Variants in LURAP1 observed in about 807,000 individuals in gnomAD.
LURAP1 encodes the protein NF-kappa-B activator C1orf190.
In LURAP1, 14 loss-of-function variants were observed where a neutral mutation model predicts 19.0. The ratio of observed to expected loss-of-function variants is 0.74; its 90% CI spans 0.49 to 1.15. LURAP1 has a LOEUF of 1.15. Ranked by LOEUF, LURAP1 falls within the 50% of genes most tolerant of loss-of-function variation. The pLI is 0.00. For missense variants in LURAP1, 273 were observed against 309.1 expected, an observed-to-expected ratio of 0.88 and a Z score of 0.87; for synonymous variants, 129 against 131.8, an observed-to-expected ratio of 0.98 and a Z score of 0.14.
Position 46,203,440 on chromosome 1 carries a change from T to C in LURAP1, c.14T>C (p.Val5Ala). Residue 5 changes from valine (V) to alanine (A), a missense_variant, in exon 1 of 2, where the codon GTG (valine) becomes GCG (alanine). Physicochemically the swap from Val to Ala is moderately conservative, Grantham distance 64 (BLOSUM62 0). Coordinates refer to ENST00000371980, the MANE Select transcript of LURAP1 (RefSeq NM_001013615.3). MEGT[V>A]ESQTPDLRDV... Reference sequence around the variant, plus strand: ...GCTTGGGCCCGCATGGAGGGGACCGTGGAGTCCCAGACGCCTGACCTGCGG... The same window carrying C: ...GCTTGGGCCCGCATGGAGGGGACCGCGGAGTCCCAGACGCCTGACCTGCGG... The C allele has an allele frequency of 6.8e-7, 1 of 1,477,898 alleles. No individual in the cohort carries two copies. The highest frequency in any genetic ancestry group is 9.0e-7 in the Non-Finnish European group (1 of 1,114,226). 91.5% of individuals were successfully genotyped at this position (1,477,898 alleles called of 1,614,324 possible).
At chr1:46,214,774 G>A (rs1416186740) in intron 1 of LURAP1, among the ~76,000 whole-genome samples, 4 of 146,652 alleles carry the variant, frequency 2.7e-5, no homozygotes, top group African/African-American at 1.0e-4. Flanking sequence ...CCTGAGTCAT[G>A]AGAATCACTT....
At chr1:46,210,229 C>A (rs891381061) in intron 1 of LURAP1, among the ~76,000 whole-genome samples, 2 of 151,978 alleles carry the variant, frequency 1.3e-5, no homozygotes, top group Non-Finnish European at 2.9e-5. Flanking sequence ...AAATTTTTTT[C>A]TATGCTTTTG....
At chr1:46,219,366 C>T (rs1659162297) in intron 1 of LURAP1, among the ~76,000 whole-genome samples, 1 of 151,824 alleles carries the variant, frequency 6.6e-6, no homozygotes. Context: ...TAATACTTAA[C>T]ATTTACTGAG....
chr1:46,211,148 TATTG>T (rs1177351779), intron 1 of LURAP1, among the ~76,000 whole-genome samples: 3 of 152,048 alleles, frequency 2.0e-5, no homozygotes, highest in East Asian at 3.9e-4. Flanking sequence ...ATCAAAATGT[TATTG>T]GACAAAAAGG....
intron 1 of LURAP1, among the ~76,000 whole-genome samples, chr1:46,218,896 T>C (rs1397825295): frequency 6.6e-6 from 1 of 152,066 alleles, no homozygotes; most frequent in Non-Finnish European, 1.5e-5. Flanking sequence ...GCTCTCTTTA[T>C]TCCCCAGCTC....
At chr1:46,214,867 C>CAA (rs5773905) in intron 1 of LURAP1, among the ~76,000 whole-genome samples, 2,992 of 88,766 alleles carry the variant, frequency 0.034, 200 homozygotes, top group East Asian at 0.11. Context: ...GACTCCATCT[C>CAA]AAAAAAAAAA....
chr1:46,209,282 C>CTT (rs1182231253), intron 1 of LURAP1, among the ~76,000 whole-genome samples: 1 of 152,102 alleles, frequency 6.6e-6, no homozygotes, highest in African/African-American at 2.4e-5. Context: ...CCTTGGCCTC[C>CTT]CAAAGTGCTG....
intron 1 of LURAP1, among the ~76,000 whole-genome samples, chr1:46,204,136 G>A (rs527590830): frequency 1.3e-5 from 2 of 152,228 alleles, no homozygotes. Context: ...AACCTTCTCC[G>A]TTTCCTCTAC....
At chr1:46,213,100 T>C (rs1571688600) in intron 1 of LURAP1, among the ~76,000 whole-genome samples, 1 of 152,244 alleles carries the variant, frequency 6.6e-6, no homozygotes, top group East Asian at 1.9e-4. Flanking sequence ...TTATCATGTG[T>C]GTATATATGC....
At chr1:46,217,820 G>A (rs1659114188) in intron 1 of LURAP1, among the ~76,000 whole-genome samples, 1 of 152,082 alleles carries the variant, frequency 6.6e-6, no homozygotes, top group South Asian at 2.1e-4. Flanking sequence ...TGGCGCCATT[G>A]CACTCCAGCC....
rs142875865 is a variant in LURAP1, at chr1:46,203,550, G to A, written c.124G>A (p.Ala42Thr). The change falls in exon 1 of 2, where the codon GCC (alanine) becomes ACC (threonine). Residue 42 changes from alanine (A) to threonine (T), a missense_variant. Physicochemically the swap from Ala to Thr is moderately conservative, Grantham distance 58. Transcript: ENST00000371980. ...RGECELGTSG[A>T]LLLPGASSTG... ...CGAGTGTGAGCTGGGAACCTCTGGC[G>A]CCCTGCTGCTCCCAGGGGCGTCTAG... 1.5e-4 allele frequency: 234 copies of A among 1,567,340 alleles called. No individual in the cohort carries two copies. In the African/African-American group the frequency reaches 2.9e-3, roughly 19 times the overall value.
In LURAP1 at chr1:46,214,489, G is replaced by A. The variant is rs190407264; in HGVS notation, c.199-5210G>A. Among the ~76,000 whole-genome samples, 3 of 152,300 alleles carry A rather than the reference G, an allele frequency of 2.0e-5. No individual in the cohort carries two copies. The East Asian group carries it at 5.8e-4, about 29-fold the overall frequency. On this transcript the variant is annotated intron_variant, in intron 1 of 1. Coordinates refer to ENST00000371980, the MANE Select transcript of LURAP1 (RefSeq NM_001013615.3). ...TAGCCATGAACAAAAACAAGAAGGT[G>A]TAAAAAGGTAAACATTCAGAGAACT...
chr1:46,208,459 C>T (rs1184185936), intron 1 of LURAP1, among the ~76,000 whole-genome samples: 2 of 152,114 alleles, frequency 1.3e-5, no homozygotes, highest in South Asian at 2.1e-4. Context: ...AATTCCATCT[C>T]GAGGAAGGGC....
Position 46,219,930 on chromosome 1 carries a change from A to T in LURAP1, c.430A>T (p.Ile144Phe), listed in dbSNP as rs779596819. 4 of 1,614,242 alleles carry T rather than the reference A, an allele frequency of 2.5e-6. No individual in the cohort carries two copies. Among genetic ancestry groups the T allele is most frequent in the South Asian group, 1.1e-5 (1 of 91,092 alleles). ...STTDRLDSVS[I>F]GSFLDTVAPS... ...CACCGACCGGCTGGACAGTGTCTCTATTGGCAGCTTCCTGGACACAGTGGC... is the reference window on the plus strand; with the variant it reads ...CACCGACCGGCTGGACAGTGTCTCTTTTGGCAGCTTCCTGGACACAGTGGC... The change falls in exon 2 of 2, where the codon ATT (isoleucine) becomes TTT (phenylalanine). Residue 144 changes from isoleucine (I) to phenylalanine (F), a missense_variant. Coordinates refer to ENST00000371980, the MANE Select transcript of LURAP1 (RefSeq NM_001013615.3).
chr1:46,216,900 C>T (rs1029699422), intron 1 of LURAP1, among the ~76,000 whole-genome samples: 1 of 152,184 alleles, frequency 6.6e-6, no homozygotes, highest in African/African-American at 2.4e-5. Context: ...ATTTGGTTTT[C>T]TGCTCTTGCA....
At chr1:46,218,582 AT>A (rs1037611763) in intron 1 of LURAP1, among the ~76,000 whole-genome samples, 7 of 152,130 alleles carry the variant, frequency 4.6e-5, no homozygotes, top group African/African-American at 1.7e-4. Flanking sequence ...GTTCCCTGCT[AT>A]TGTAGATGTT....
In LURAP1 at chr1:46,220,070, C is replaced by A; in HGVS notation, c.570C>A (p.Thr190=). The A allele has an allele frequency of 6.2e-7, 1 of 1,614,192 alleles. No individual in the cohort carries two copies. Among genetic ancestry groups the A allele is most frequent in the Non-Finnish European group, 8.5e-7 (1 of 1,180,032 alleles). Residue 190 remains threonine, a synonymous_variant, in exon 2 of 2, where the codon ACC becomes ACA. Coordinates refer to ENST00000371980, the MANE Select transcript of LURAP1 (RefSeq NM_001013615.3). Reference sequence around the variant, plus strand: ...GGACTGAGGTGGATGTGGCAGCCACCAGGCTAGGGAGCTTGAGAGCTGTGT... The same window carrying A: ...GGACTGAGGTGGATGTGGCAGCCACAAGGCTAGGGAGCTTGAGAGCTGTGT... The part of the protein sequence containing the change: ...RARTEVDVAA[T]RLGSLRAVWK...
chr1:46,215,772 C>A (rs1006077643), intron 1 of LURAP1, among the ~76,000 whole-genome samples: 1 of 152,080 alleles, frequency 6.6e-6, no homozygotes, highest in Non-Finnish European at 1.5e-5. Flanking sequence ...TAGGTACATG[C>A]CTGTAGTCCA....
rs1170302658 is a variant in LURAP1 at position 46,208,711 on chromosome 1, T to C, written c.198+5087T>C. ...TACAAAAATTAGCTGGACGTGGTGG[T>C]GCACCTGTAATCCCAGCTACTAGGG... is the stretch of plus-strand genomic sequence containing the variant. On this transcript the variant is annotated intron_variant, in intron 1 of 1. Transcript: ENST00000371980. Among the ~76,000 whole-genome samples, 4 of 152,090 alleles carry C rather than the reference T, an allele frequency of 2.6e-5. No individual in the cohort carries two copies. In the East Asian group the frequency reaches 7.8e-4, roughly 30 times the overall value.
Sources: gnomAD v4.1 joint callset for allele counts (sites outside exome capture counted in the v4.1 genomes callset) on GRCh38, gnomAD v4.1.1 for gene constraint, MANE v1.5 for transcripts, NCBI Gene and HGNC (gene_info 2026-07-23, HGNC 2026-07-21) for gene names.